ALG9: variants seen among roughly 807,000 people sequenced by gnomAD.
ALG9 encodes the protein ALG9 alpha-1,2-mannosyltransferase.
Under a neutral mutation model 81.8 loss-of-function variants are expected in ALG9, and 55 were observed. The observed-to-expected ratio is 0.67, with a 90% CI of 0.54 to 0.84. ALG9 has a LOEUF of 0.84. Among genes scored for constraint, ALG9 ranks in the 40% least tolerant of loss-of-function variants. The pLI is 0.00. For missense variants in ALG9, 629 were observed against 745.0 expected (o/e 0.84, Z 1.81); for synonymous variants, 278 against 274.3 (o/e 1.01, Z -0.13).
chr11:111,839,320 T>TTA (rs1955833064), intron 10 of ALG9, among the ~76,000 whole-genome samples: 1 of 152,040 alleles, frequency 6.6e-6, no homozygotes, highest in African/African-American at 2.4e-5. Flanking sequence ...GTGCGGTGGC[T>TTA]CACGCCTGTA....
At chr11:111,788,439 A>T (rs1555067153) in intron 14 of ALG9, 1 of 453,964 alleles carries the variant, frequency 2.2e-6, no homozygotes, top group East Asian at 7.0e-5. Flanking sequence ...GGAAGCACCT[A>T]CCCCAGTCAA....
chr11:111,860,196 G>A (rs112829301), intron 5 of ALG9, among the ~76,000 whole-genome samples: 1 of 152,158 alleles, frequency 6.6e-6, no homozygotes, highest in African/African-American at 2.4e-5. Context: ...AAGGAGGTGG[G>A]TGGTTGATGC....
Position 111,798,396 on chromosome 11 carries a change from A to G in ALG9, c.1733+11247T>C, listed in dbSNP as rs537110817. On this transcript the variant is annotated intron_variant, in intron 14 of 14. Transcript: ENST00000616540. ...CCTGTTGCTCATGAAGCCAACTCCAATATCCTGGAGAGGCATTTCCCACCA... is the reference window on the plus strand; with the variant it reads ...CCTGTTGCTCATGAAGCCAACTCCAGTATCCTGGAGAGGCATTTCCCACCA... 1.1e-4 allele frequency among the ~76,000 whole-genome samples: 16 copies of G among 152,158 alleles called. No individual in the cohort carries two copies. The South Asian group carries it at 3.3e-3, about 32-fold the overall frequency.
chr11:111,827,424 C>T (rs531156636), intron 13 of ALG9, among the ~76,000 whole-genome samples: 3 of 151,926 alleles, frequency 2.0e-5, no homozygotes, highest in Admixed American at 6.6e-5. Flanking sequence ...TGCAGTGGGT[C>T]GAGATGGGCA....
At chr11:111,844,132 G>A (rs1181380808) in intron 9 of ALG9, among the ~76,000 whole-genome samples, 3 of 152,064 alleles carry the variant, frequency 2.0e-5, no homozygotes, top group African/African-American at 7.2e-5. Context: ...AGCCTCCCTA[G>A]TAAGTGGGAT....
intron 13 of ALG9, among the ~76,000 whole-genome samples, chr11:111,833,720 A>C (rs543056715): frequency 1.3e-5 from 2 of 152,362 alleles, no homozygotes; most frequent in South Asian, 4.1e-4. Context: ...CCCAGCAGAC[A>C]TAAATCACTT....
At position 111,840,662 on chromosome 11, in the gene ALG9, G is replaced by A. The variant is rs1555122792; in HGVS notation, c.1166C>T (p.Ala389Val). The change falls in exon 10 of 15, where the codon GCA (alanine) becomes GTA (valine). Residue 389 changes from alanine to valine, a missense_variant. This residue lies in a region of ALG9 where 264 missense variants were observed against 302.2 expected (regional missense o/e 0.87). Coordinates refer to ENST00000616540, the MANE Select transcript of ALG9 (RefSeq NM_024740.2). ...CTTCTCCCTGAAACTCACCTGAAGTGCAGAGAGAGCCACAGCGCCACAGAG... is the reference window on the plus strand; with the variant it reads ...CTTCTCCCTGAAACTCACCTGAAGTACAGAGAGAGCCACAGCGCCACAGAG... ...ICLCGAVALS[A>V]LQHSFLYFQK... 2 of 1,613,888 alleles carry A rather than the reference G, an allele frequency of 1.2e-6. No individual in the cohort carries two copies. The highest frequency in any genetic ancestry group is 1.7e-5 in the Admixed American group (1 of 59,974).
intron 13 of ALG9, among the ~76,000 whole-genome samples, chr11:111,813,998 AC>A (rs1166724985): frequency 1.3e-5 from 2 of 152,250 alleles, no homozygotes; most frequent in African/African-American, 4.8e-5. Flanking sequence ...TGTTTGAGCC[AC>A]AAAAATGGTA....
intron 2 of ALG9, among the ~76,000 whole-genome samples, chr11:111,869,403 T>C (rs1555156310): frequency 6.6e-6 from 1 of 151,884 alleles, no homozygotes. Context: ...TAAATAGCAA[T>C]AAAAGTATAC....
At chr11:111,817,935 C>T (rs918209554) in intron 13 of ALG9, among the ~76,000 whole-genome samples, 3 of 152,034 alleles carry the variant, frequency 2.0e-5, no homozygotes, top group Non-Finnish European at 4.4e-5. Context: ...CCCGCCACCA[C>T]GGCTGGCTAA....
intron 9 of ALG9, among the ~76,000 whole-genome samples, chr11:111,841,490 T>C (rs1416554396): frequency 5.9e-5 from 9 of 152,212 alleles, no homozygotes; most frequent in African/African-American, 2.2e-4. Flanking sequence ...AGGAATGTAA[T>C]GAACACTAAA....
At chr11:111,818,976 C>G (rs781914421) in intron 13 of ALG9, among the ~76,000 whole-genome samples, 1 of 152,030 alleles carries the variant, frequency 6.6e-6, no homozygotes, top group African/African-American at 2.4e-5. Flanking sequence ...TGGAAGCAGC[C>G]AAGGATGAAG....
chr11:111,850,038 C>T (rs1388133319), intron 8 of ALG9, among the ~76,000 whole-genome samples: 5 of 152,074 alleles, frequency 3.3e-5, no homozygotes, highest in African/African-American at 1.2e-4. Context: ...ATTTTACTGC[C>T]TCAAAACATC....
intron 9 of ALG9, among the ~76,000 whole-genome samples, chr11:111,843,913 T>C (rs781999045): frequency 1.3e-5 from 2 of 152,256 alleles, no homozygotes; most frequent in Non-Finnish European, 2.9e-5. Context: ...TATACTTTCG[T>C]TTGAAGTACT....
chr11:111,809,588 T>C, intron 14 of ALG9, 55 bp downstream of exon 14: 1 of 1,607,696 alleles, frequency 6.2e-7, no homozygotes, highest in Non-Finnish European at 8.5e-7. Context: ...AATCCTAGAA[T>C]CCAATTTTTA....
chr11:111,812,964 G>A (rs950174111), intron 13 of ALG9, among the ~76,000 whole-genome samples: 1 of 141,204 alleles, frequency 7.1e-6, no homozygotes, highest in Non-Finnish European at 1.5e-5. Flanking sequence ...TAGATCAACA[G>A]ACCAATGAAA....
chr11:111,840,463 T>C (rs1485366985), intron 10 of ALG9, among the ~76,000 whole-genome samples, 192 bp downstream of exon 10: 2 of 152,174 alleles, frequency 1.3e-5, no homozygotes, highest in African/African-American at 4.8e-5. Flanking sequence ...AAACATGTAA[T>C]CAGCAAATAC....
the ALG9 span, chr11:111,771,044 A>T: frequency 2.0e-5 from 3 of 152,274 alleles, no homozygotes; most frequent in African/African-American, 7.2e-5. Flanking sequence ...TTCCTATAAG[A>T]CAAAGCATCA....
At chr11:111,811,879 G>T (rs563367316) in intron 13 of ALG9, among the ~76,000 whole-genome samples, 50 of 151,016 alleles carry the variant, frequency 3.3e-4, no homozygotes, top group South Asian at 6.3e-4. Context: ...GGGTTTTTTT[G>T]GGGGGGAGGC....
Sources: allele counts gnomAD v4.1 joint callset (sites outside exome capture counted in the v4.1 genomes callset), GRCh38; gene constraint gnomAD v4.1.1; regional missense constraint gnomAD v4.1.1; transcripts MANE v1.5; gene names NCBI Gene and HGNC (gene_info 2026-07-23, HGNC 2026-07-21).